Variants in NFAT5 observed in about 807,000 individuals in gnomAD.
NFAT5 encodes the protein nuclear factor of activated T cells 5.
A neutral mutation model predicts 166.5 loss-of-function variants in NFAT5; 31 were observed. The ratio of observed to expected loss-of-function variants is 0.19; its 90% CI spans 0.14 to 0.25. The LOEUF (loss-of-function observed/expected upper bound fraction) is 0.25. NFAT5 is among the 10% of genes least tolerant of loss of function. The pLI is 1.00. For synonymous variants in NFAT5, 612 were observed against 639.7 expected, an observed-to-expected ratio of 0.96 and a Z score of 0.65; for missense variants, 1,449 against 1,821.8, an observed-to-expected ratio of 0.80 and a Z score of 3.72.
At chr16:69,600,025 G>A (rs1407216968) in intron 2 of NFAT5, among the ~76,000 whole-genome samples, 3 of 152,108 alleles carry the variant, frequency 2.0e-5, no homozygotes, top group Non-Finnish European at 4.4e-5. Flanking sequence ...AAATCAATTA[G>A]GAGGTAATTG....
intron 7 of NFAT5, among the ~76,000 whole-genome samples, chr16:69,669,114 T>A (rs2036522727): frequency 6.6e-6 from 1 of 152,126 alleles, no homozygotes; most frequent in Admixed American, 6.6e-5. Context: ...AGGCTGGTCT[T>A]GAACTCCTGG....
At chr16:69,690,672 G>A (rs538618903) in intron 11 of NFAT5, 19 of 185,672 alleles carry the variant, frequency 1.0e-4, no homozygotes, top group Non-Finnish European at 2.1e-4. Context: ...ACTTGGAACC[G>A]TCTTGGGGAA....
intron 2 of NFAT5, among the ~76,000 whole-genome samples, chr16:69,607,928 A>G (rs934969843): frequency 6.6e-6 from 1 of 152,176 alleles, no homozygotes; most frequent in Non-Finnish European, 1.5e-5. Flanking sequence ...GTAGTAGTCA[A>G]ACTGCTGTTA....
At chr16:69,650,414 G>GA (rs1049348581) in intron 4 of NFAT5, among the ~76,000 whole-genome samples, 2 of 151,220 alleles carry the variant, frequency 1.3e-5, no homozygotes, top group African/African-American at 2.4e-5. Flanking sequence ...TTACATTTTA[G>GA]AAAAAAAAGA....
intron 2 of NFAT5, among the ~76,000 whole-genome samples, chr16:69,601,588 A>G (rs993973035): frequency 6.6e-6 from 1 of 152,154 alleles, no homozygotes; most frequent in African/African-American, 2.4e-5. Context: ...TGCCAAGGCC[A>G]GTTTCAAACT....
chr16:69,693,731 A>G lies in NFAT5; in HGVS notation c.3906A>G (p.Gln1302=). ...NTMATMASPK[Q]PPPNMIFNPN... The stretch of plus-strand genomic sequence containing the variant: ...TGGCTACAATGGCGTCTCCAAAGCA[A>G]CCACCACCAAACATGATATTCAACC... The change falls in exon 13 of 15, where the codon CAA becomes CAG. Residue 1302 remains glutamine (Q), a synonymous_variant. Transcript: ENST00000349945. 2 of 1,614,266 alleles carry G rather than the reference A, an allele frequency of 1.2e-6. No individual in the cohort carries two copies. The highest frequency in any genetic ancestry group is 1.7e-6 in the Non-Finnish European group (2 of 1,180,044).
chr16:69,626,609 A>G lies in NFAT5; in HGVS notation c.253+81A>G, dbSNP rs538809430. On this transcript the variant is annotated intron_variant, in intron 3 of 14. Coordinates refer to ENST00000349945, the MANE Select transcript of NFAT5 (RefSeq NM_138713.4). The stretch of plus-strand genomic sequence containing the variant: ...AACATGAACAGTGCTGGCAAAATTC[A>G]TACTAAAAAGAGTGTGATTTGAGGG... 1.8e-4 allele frequency: 222 copies of G among 1,226,630 alleles called. No homozygotes were observed. In the African/African-American group the frequency reaches 2.9e-3, roughly 16 times the overall value. The allele number at this position is 1,226,630 out of a possible 1,614,324, so 76.0% of individuals were successfully genotyped here.
At chr16:69,618,741 G>T (rs569313603) in intron 2 of NFAT5, among the ~76,000 whole-genome samples, 2 of 151,868 alleles carry the variant, frequency 1.3e-5, no homozygotes, top group East Asian at 1.9e-4. Context: ...ACATTTAGAG[G>T]TTTTTTTTAA....
At position 69,566,439 on chromosome 16, in the gene NFAT5, AG is replaced by A; in HGVS notation, c.73+69del. 7.6e-7 allele frequency: 1 copy of A among 1,322,076 alleles called. No individual in the cohort carries two copies. The allele number at this position is 1,322,076 out of a possible 1,614,324, so 81.9% of individuals were successfully genotyped here. ...GACAGGGAGACAGGGAGACAGGGCCAGGGGAGGCGAGGGGTCCCCGTCCCGC... is the reference window on the plus strand; with the variant it reads ...GACAGGGAGACAGGGAGACAGGGCCAGGGAGGCGAGGGGTCCCCGTCCCGC... On this transcript the variant is annotated intron_variant, in intron 1 of 14. Coordinates refer to ENST00000349945, the MANE Select transcript of NFAT5 (RefSeq NM_138713.4). This position sits in a 1 kb window ranked among gnomAD's most constrained non-coding sequence, Gnocchi z 5.7.
rs573296051 is a variant in NFAT5 at position 69,612,931 on chromosome 16, A to G, written c.128-13472A>G. ...ATAAAAAACAAAAGTAAAGCAGGCT[A>G]TTTGTTTAGTAACATCAATTGCTAG... On this transcript the variant is annotated intron_variant, in intron 2 of 14. Transcript: ENST00000349945. Among the ~76,000 whole-genome samples, 6 of 152,024 alleles carry G rather than the reference A, an allele frequency of 3.9e-5. No individual in the cohort carries two copies. The South Asian group carries it at 6.2e-4, about 16-fold the overall frequency.
intron 4 of NFAT5, among the ~76,000 whole-genome samples, chr16:69,648,032 G>A (rs940501970): frequency 5.3e-5 from 8 of 151,888 alleles, no homozygotes; most frequent in Admixed American, 2.0e-4. Context: ...AAAATTAGCC[G>A]GGCATTGTGG....
At chr16:69,681,251 T>C (rs1369009614) in intron 10 of NFAT5, among the ~76,000 whole-genome samples, 1 of 152,192 alleles carries the variant, frequency 6.6e-6, no homozygotes, top group Non-Finnish European at 1.5e-5. Context: ...AGTGTATTAT[T>C]ATAGCAGCCA....
intron 2 of NFAT5, among the ~76,000 whole-genome samples, chr16:69,616,940 CTT>C (rs61025944): frequency 4.6e-5 from 6 of 129,886 alleles, no homozygotes; most frequent in African/African-American, 8.5e-5. Context: ...GTCCAAAGTT[CTT>C]TTTTTTTTTT....
chr16:69,586,642 A>C (rs2032084531), intron 2 of NFAT5, among the ~76,000 whole-genome samples: 1 of 152,100 alleles, frequency 6.6e-6, no homozygotes, highest in Non-Finnish European at 1.5e-5. Flanking sequence ...ACCTCAGGTG[A>C]TCTGCCCACC....
chr16:69,667,247 C>G (rs975411560), intron 7 of NFAT5, among the ~76,000 whole-genome samples: 1 of 151,252 alleles, frequency 6.6e-6, no homozygotes, highest in Non-Finnish European at 1.5e-5. Context: ...GGGTGCAGCA[C>G]ACCAGCATGG....
rs1188266952 is a variant in NFAT5, at chr16:69,647,097, C to T, written c.323C>T (p.Pro108Leu). 8.7e-6 allele frequency: 14 copies of T among 1,612,810 alleles called. No homozygotes were observed. The highest frequency in any genetic ancestry group is 1.2e-5 in the Non-Finnish European group (14 of 1,179,260). ...ACSSFTTSSS[P>L]TIYSTSVTDS... Reference sequence around the variant, plus strand: ...AGCTCCTTTACCACCTCTTCCAGCCCTACCATTTATTCTACCTCAGTCACC... The same window carrying T: ...AGCTCCTTTACCACCTCTTCCAGCCTTACCATTTATTCTACCTCAGTCACC... Residue 108 changes from proline (P) to leucine (L), a missense_variant, in exon 4 of 15, where the codon CCT (proline) becomes CTT (leucine). Pro to Leu is a moderately conservative substitution (Grantham distance 98). Around this residue, in one of 7 missense-constraint regions of NFAT5, gnomAD observed 172 missense variants for 194.5 expected, o/e 0.88. Coordinates refer to ENST00000349945, the MANE Select transcript of NFAT5 (RefSeq NM_138713.4). The surrounding 1 kb of genome is among the most constrained non-coding windows in gnomAD (Gnocchi z 4.8).
chr16:69,654,255 T>C (rs1278535160), intron 5 of NFAT5, among the ~76,000 whole-genome samples: 2 of 152,220 alleles, frequency 1.3e-5, no homozygotes, highest in Admixed American at 6.5e-5. Flanking sequence ...TAGATTCTTA[T>C]TAAATACAGT....
chr16:69,584,879 T>C lies in NFAT5; in HGVS notation c.127+16331T>C, dbSNP rs543115773. Among the ~76,000 whole-genome samples, 337 of 152,280 alleles carry C rather than the reference T, an allele frequency of 2.2e-3. 2 individuals are homozygous for C. The highest frequency in any genetic ancestry group is 4.2e-3 in the Admixed American group (64 of 15,294). On this transcript the variant is annotated intron_variant, in intron 2 of 14. Transcript: ENST00000349945. ...CTTTAAGTAGGTAAATTGTATGATA[T>C]GTGAATTATATCTCAATAAAATATG...
intron 2 of NFAT5, among the ~76,000 whole-genome samples, chr16:69,590,569 T>C (rs1225429657): frequency 1.3e-5 from 2 of 152,194 alleles, no homozygotes; most frequent in Non-Finnish European, 2.9e-5. Context: ...AAGGAGAAAA[T>C]TAATTCTAAA....
Sources: gnomAD v4.1 joint callset for allele counts (sites outside exome capture counted in the v4.1 genomes callset) on GRCh38, gnomAD v4.1.1 for gene constraint, gnomAD v4.1.1 regional missense constraint, Gnocchi (gnomAD v3.1) non-coding constraint, MANE v1.5 for transcripts, NCBI Gene and HGNC (gene_info 2026-07-23, HGNC 2026-07-21) for gene names.